Variants in MACROH2A1 observed in about 807,000 individuals in gnomAD.
MACROH2A1 encodes core histone macro-H2A.1.
A neutral mutation model predicts 31.6 loss-of-function variants in MACROH2A1; 2 were observed. That is an observed-to-expected ratio of 0.06 (90% confidence interval 0.03 to 0.20). The LOEUF (loss-of-function observed/expected upper bound fraction) is 0.20. Among genes scored for constraint, MACROH2A1 ranks in the 10% least tolerant of loss-of-function variants. The pLI is 1.00. For missense variants in MACROH2A1, 230 were observed against 474.0 expected (o/e 0.49, Z 4.78); for synonymous variants, 169 against 189.6 (o/e 0.89, Z 0.89).
chr5:135,368,786 C>A (rs982755164), intron 4 of MACROH2A1, among the ~76,000 whole-genome samples: 6 of 152,230 alleles, frequency 3.9e-5, no homozygotes, highest in African/African-American at 1.4e-4. Flanking sequence ...CACTGAGGAT[C>A]ATGACCTGGA....
intron 2 of MACROH2A1, among the ~76,000 whole-genome samples, chr5:135,381,380 A>G (rs1405941290): frequency 6.6e-6 from 1 of 152,234 alleles, no homozygotes; most frequent in Non-Finnish European, 1.5e-5. Context: ...AATTATTTAA[A>G]TAATGAATAT....
intron 2 of MACROH2A1, among the ~76,000 whole-genome samples, chr5:135,372,885 T>G (rs1764359202): frequency 1.3e-5 from 2 of 152,172 alleles, no homozygotes; most frequent in Admixed American, 1.3e-4. Context: ...AACCTTCCCC[T>G]TTTGGAGGCC....
chr5:135,355,335 A>G (rs779163138), intron 5 of MACROH2A1: 2 of 445,000 alleles, frequency 4.5e-6, no homozygotes, highest in Admixed American at 4.8e-5. Flanking sequence ...GGAAGTGCAG[A>G]CTACAGTACC....
At chr5:135,356,085 G>A (rs1762141439) in intron 5 of MACROH2A1, 1 of 152,212 alleles carries the variant, frequency 6.6e-6, no homozygotes, top group Non-Finnish European at 1.5e-5. Context: ...ACCGTCGTTA[G>A]GAAAGATGGA....
At position 135,370,058 on chromosome 5, in the gene MACROH2A1, G is replaced by A; in HGVS notation, c.257C>T (p.Ala86Val). Residue 86 changes from alanine to valine, a missense_variant, in exon 3 of 9, where the codon GCC (alanine) becomes GTC (valine). Around this residue, in one of 2 missense-constraint regions of MACROH2A1, gnomAD observed 47 missense variants for 154.7 expected, o/e 0.30. Coordinates refer to ENST00000511689, the MANE Select transcript of MACROH2A1 (RefSeq NM_138610.3). ...TACCTGATTCAGCTCTTCATCATTG[G>A]CCACAGCCAGCAGGATGTGCCGGGG... ...VTPRHILLAV[A>V]NDEELNQLLK... is the part of the protein sequence containing the mutation. 1 of 1,612,222 alleles carries A rather than the reference G, an allele frequency of 6.2e-7. No homozygotes were observed. The highest frequency in any genetic ancestry group is 1.1e-5 in the South Asian group (1 of 90,992).
In MACROH2A1 at chr5:135,398,288, A is replaced by G. The variant is rs1168401707; in HGVS notation, c.-34+774T>C. Among the ~76,000 whole-genome samples, 2 of 150,846 alleles carry G rather than the reference A, an allele frequency of 1.3e-5. No homozygotes were observed. Among genetic ancestry groups the G allele is most frequent in the Non-Finnish European group, 3.0e-5 (2 of 67,700 alleles). On this transcript the variant is annotated intron_variant, in intron 1 of 8. Coordinates refer to ENST00000511689, the MANE Select transcript of MACROH2A1 (RefSeq NM_138610.3). This position sits in a 1 kb window ranked among gnomAD's most constrained non-coding sequence, Gnocchi z 4.6. ...CACACTCACCTCCCCACTCCACCCC[A>G]CCCCCAGCGAGGCTCTTTCCTGCTG...
intron 6 of MACROH2A1, chr5:135,351,543 A>ATTTTTTTTTTTTTTTTTTGTTTTTTT (rs1761552927): frequency 2.1e-5 from 1 of 48,480 alleles, no homozygotes; most frequent in African/African-American, 7.7e-5. Flanking sequence ...TTATGGTTTA[A>ATTTTTTTTTTTTTTTTTTGTTTTTTT]TTTTTTTTTT....
At chr5:135,385,692 TG>T (rs1366537478) in intron 2 of MACROH2A1, among the ~76,000 whole-genome samples, 3 of 152,154 alleles carry the variant, frequency 2.0e-5, no homozygotes, top group African/African-American at 7.2e-5. Flanking sequence ...CCAGTTCTTG[TG>T]GGGCTGGCTG....
intron 1 of MACROH2A1, among the ~76,000 whole-genome samples, chr5:135,397,092 G>T (rs1270167827): frequency 1.3e-5 from 2 of 152,172 alleles, no homozygotes; most frequent in African/African-American, 4.8e-5. Flanking sequence ...TTGCAGTTCT[G>T]ATGAACAACA....
At chr5:135,387,053 G>A (rs1270402675) in intron 2 of MACROH2A1, among the ~76,000 whole-genome samples, 1 of 152,200 alleles carries the variant, frequency 6.6e-6, no homozygotes, top group Non-Finnish European at 1.5e-5. Flanking sequence ...TGGGGTCCAG[G>A]GAAGTTAGGT....
chr5:135,350,966 C>A (rs1238581868), intron 6 of MACROH2A1: 2 of 1,223,704 alleles, frequency 1.6e-6, no homozygotes, highest in Non-Finnish European at 1.2e-6. Flanking sequence ...GACCCACGCA[C>A]AGGCACATTT....
chr5:135,364,954 C>G (rs1284522905), intron 4 of MACROH2A1, among the ~76,000 whole-genome samples: 1 of 152,068 alleles, frequency 6.6e-6, no homozygotes, highest in Admixed American at 6.5e-5. Context: ...TATTTATGAT[C>G]TAGGAGGGTA....
intron 2 of MACROH2A1, among the ~76,000 whole-genome samples, chr5:135,387,622 G>A (rs77175884): frequency 0.019 from 2,872 of 152,258 alleles, 53 homozygotes; most frequent in Middle Eastern, 0.054. Flanking sequence ...AAAGCATTAC[G>A]ACAGGACAGC....
intron 8 of MACROH2A1, among the ~76,000 whole-genome samples, chr5:135,335,468 C>G (rs903683918): frequency 6.6e-6 from 1 of 152,196 alleles, no homozygotes; most frequent in African/African-American, 2.4e-5. Flanking sequence ...TTTTCTTTTT[C>G]CATGATACCT....
At chr5:135,361,939 G>A (rs977064351) in intron 4 of MACROH2A1, 1 of 152,202 alleles carries the variant, frequency 6.6e-6, no homozygotes, top group Non-Finnish European at 1.5e-5. Flanking sequence ...AAGAGAAAAA[G>A]CACTTTATCA....
chr5:135,396,795 T>C (rs1768060656), intron 1 of MACROH2A1, among the ~76,000 whole-genome samples: 1 of 152,150 alleles, frequency 6.6e-6, no homozygotes, highest in South Asian at 2.1e-4. Flanking sequence ...GAACAGGAGC[T>C]GATTCTCAGG....
chr5:135,369,644 C>CCTG lies in MACROH2A1; in HGVS notation c.280-44_280-42dup. 1 of 1,521,400 alleles carries CCTG rather than the reference C, an allele frequency of 6.6e-7. No individual in the cohort carries two copies. The highest frequency in any genetic ancestry group is 2.3e-5 in the East Asian group (1 of 44,318). 94.2% of individuals were successfully genotyped at this position (1,521,400 alleles called of 1,614,324 possible). ...GAATAGCAGATAGTGAGCCAGATAC[C>CCTG]CTGCTTCTAACCTTCAAGAAGCCAG... On this transcript the variant is annotated intron_variant, in intron 3 of 8. Coordinates refer to ENST00000511689, the MANE Select transcript of MACROH2A1 (RefSeq NM_138610.3). This position sits in a 1 kb window ranked among gnomAD's most constrained non-coding sequence, Gnocchi z 4.3.
chr5:135,343,518 C>T, intron 7 of MACROH2A1, 84 bp from the exon 8 acceptor site: 2 of 1,571,272 alleles, frequency 1.3e-6, no homozygotes, highest in Non-Finnish European at 1.7e-6. Flanking sequence ...CACTCCCCTG[C>T]CACGGTATAT....
intron 8 of MACROH2A1, among the ~76,000 whole-genome samples, chr5:135,335,556 G>A (rs1007874852): frequency 5.9e-5 from 9 of 152,128 alleles, no homozygotes; most frequent in Non-Finnish European, 1.3e-4. Context: ...TCTCTGGGAA[G>A]GCACTGACCT....
Sources: gnomAD v4.1 joint callset for allele counts (sites outside exome capture counted in the v4.1 genomes callset) on GRCh38, gnomAD v4.1.1 for gene constraint, gnomAD v4.1.1 regional missense constraint, Gnocchi (gnomAD v3.1) non-coding constraint, MANE v1.5 for transcripts, NCBI Gene and HGNC (gene_info 2026-07-23, HGNC 2026-07-21) for gene names.